Variants in CCNA1 observed in about 807,000 individuals in gnomAD.
The protein encoded by CCNA1 is cyclin-A1.
Under a neutral mutation model 54.1 loss-of-function variants are expected in CCNA1, and 23 were observed. The observed-to-expected ratio is 0.42, with a 90% CI of 0.31 to 0.60. The LOEUF is 0.60. CCNA1 is among the 20% of genes least tolerant of loss of function. The pLI is 0.14. For synonymous variants in CCNA1, 208 were observed against 213.9 expected (o/e 0.97, Z 0.24); for missense variants, 450 against 556.7 (o/e 0.81, Z 1.93).
At position 36,440,422 on chromosome 13, in the gene CCNA1, AGCTTGG is replaced by A. The variant is rs755375560; in HGVS notation, c.1098+240_1098+245del. Among the ~76,000 whole-genome samples the A allele has an allele frequency of 1.3e-3, 193 of 152,346 alleles. 1 individual carries two copies. Among genetic ancestry groups the A allele is most frequent in the Non-Finnish European group, 2.3e-3 (156 of 68,032 alleles). ...AATCACCCAACTATTTAAAAATTTA[AGCTTGG>A]AAACTGTTCTCTTATTGGATACAGA... On this transcript the variant is annotated intron_variant, in intron 6 of 8. Transcript: ENST00000255465.
At chr13:36,442,479 A>G (rs986027269) in intron 8 of CCNA1, 135 bp from the exon 9 acceptor site, 2 of 1,085,776 alleles carry the variant, frequency 1.8e-6, no homozygotes, top group Non-Finnish European at 2.7e-6. Flanking sequence ...ATAATTTGTC[A>G]GCTTTTAATA....
chr13:36,440,113 C>G lies in CCNA1; in HGVS notation c.1028C>G (p.Thr343Ser), dbSNP rs755462450. 6.2e-6 allele frequency: 10 copies of G among 1,614,098 alleles called. No homozygotes were observed. In the Admixed American group the frequency reaches 1.7e-4, roughly 27 times the overall value. ...CTAGCTTTTGATCTGACAGTACCAA[C>G]CACCAACCAGTTTCTCCTTCAGTAC... is the stretch of plus-strand genomic sequence containing the variant. The change falls in exon 6 of 9, where the codon ACC (threonine) becomes AGC (serine). Residue 343 changes from threonine (T) to serine (S), a missense_variant. Thr to Ser is a moderately conservative substitution (Grantham distance 58). This residue lies in a region of CCNA1 where 150 missense variants were observed against 219.7 expected (regional missense o/e 0.68). Transcript: ENST00000255465.
At chr13:36,433,264 G>A in intron 2 of CCNA1, 43 bp downstream of exon 2, 1 of 1,515,430 alleles carries the variant, frequency 6.6e-7, no homozygotes, top group Admixed American at 2.0e-5. Flanking sequence ...GTGGAGAACA[G>A]CTCTCCTGCT....
chr13:36,433,517 C>T (rs1593320076), intron 2 of CCNA1, among the ~76,000 whole-genome samples: 1 of 130,916 alleles, frequency 7.6e-6, no homozygotes. Flanking sequence ...TCTTCCTTTC[C>T]TTTTTTTTTC....
chr13:36,436,542 A>G (rs1223136000), intron 2 of CCNA1, among the ~76,000 whole-genome samples: 2 of 152,248 alleles, frequency 1.3e-5, no homozygotes, highest in Admixed American at 1.3e-4. Flanking sequence ...TATATGTCCC[A>G]GCCTATGGAC....
At chr13:36,434,295 C>T (rs1272537455) in intron 2 of CCNA1, among the ~76,000 whole-genome samples, 1 of 152,138 alleles carries the variant, frequency 6.6e-6, no homozygotes, top group African/African-American at 2.4e-5. Flanking sequence ...TATACCTTTC[C>T]TATTTCATAA....
At chr13:36,435,928 C>A (rs559777032) in intron 2 of CCNA1, among the ~76,000 whole-genome samples, 23 of 152,322 alleles carry the variant, frequency 1.5e-4, no homozygotes, top group African/African-American at 4.3e-4. Context: ...AGCCTCCAAA[C>A]CTTTGTCTTC....
intron 2 of CCNA1, 151 bp from the exon 3 acceptor site, chr13:36,437,478 A>AC: frequency 2.7e-6 from 2 of 751,642 alleles, no homozygotes; most frequent in Non-Finnish European, 4.4e-6. Flanking sequence ...ACTTTTGAAG[A>AC]CCTTTTTTTT....
chr13:36,435,100 A>G (rs2055786158), intron 2 of CCNA1, among the ~76,000 whole-genome samples: 1 of 152,166 alleles, frequency 6.6e-6, no homozygotes, highest in Non-Finnish European at 1.5e-5. Context: ...ATGGTGACGA[A>G]TTTTCTTTGT....
rs761107193 is a variant in CCNA1 at position 36,440,095 on chromosome 13, T to A, written c.1010T>A (p.Phe337Tyr). 1.2e-6 allele frequency: 2 copies of A among 1,614,104 alleles called. No homozygotes were observed. Residue 337 changes from phenylalanine (F) to tyrosine (Y), a missense_variant, in exon 6 of 9, where the codon TTT becomes TAT. Phe to Tyr is a conservative substitution (Grantham distance 22). Around this residue, in one of 6 missense-constraint regions of CCNA1, gnomAD observed 150 missense variants for 219.7 expected, o/e 0.68. Coordinates refer to ENST00000255465, the MANE Select transcript of CCNA1 (RefSeq NM_003914.4). The stretch of plus-strand genomic sequence containing the variant: ...CACTTGCTTCTGAAAGTTCTAGCTT[T>A]TGATCTGACAGTACCAACCACCAAC...
At chr13:36,432,868 G>C in intron 1 of CCNA1, 139 bp downstream of exon 1, 1 of 951,456 alleles carries the variant, frequency 1.1e-6, no homozygotes, top group Non-Finnish European at 1.6e-6. Context: ...TTGATCGCCT[G>C]TGCGGTCGCA....
At chr13:36,436,351 C>A (rs995068612) in intron 2 of CCNA1, among the ~76,000 whole-genome samples, 1 of 152,160 alleles carries the variant, frequency 6.6e-6, no homozygotes, top group African/African-American at 2.4e-5. Context: ...ATATGACTGT[C>A]TCACTCTGCT....
At position 36,440,050 on chromosome 13, in the gene CCNA1, G is replaced by A. The variant is rs140946240; in HGVS notation, c.965G>A (p.Arg322Gln). 4.0e-4 allele frequency: 651 copies of A among 1,613,452 alleles called. 5 individuals carry two copies. The African/African-American group carries it at 6.9e-3, about 17-fold the overall frequency. The stretch of plus-strand genomic sequence containing the variant: ...ATCACCGATGATACATACACAAAAC[G>A]ACAACTGTTAAAAATGGAACACTTG... The change falls in exon 6 of 9, where the codon CGA (arginine) becomes CAA (glutamine). Residue 322 changes from arginine to glutamine, a missense_variant. By Grantham distance (43) the Arg-to-Gln change is conservative. Coordinates refer to ENST00000255465, the MANE Select transcript of CCNA1 (RefSeq NM_003914.4).
Position 36,433,377 on chromosome 13 carries a change from T to A in CCNA1, c.297+156T>A, listed in dbSNP as rs1240583441. ...GGAAAGTTGATTGATTTATTTTCTT[T>A]CTTTCTTTCTTTCTTTCTTTCTTTC... On this transcript the variant is annotated intron_variant, in intron 2 of 8. Coordinates refer to ENST00000255465, the MANE Select transcript of CCNA1 (RefSeq NM_003914.4). 4.3e-3 allele frequency among the ~76,000 whole-genome samples: 143 copies of A among 33,434 alleles called. 4 individuals carry two copies. Among genetic ancestry groups the A allele is most frequent in the Admixed American group, 0.014 (39 of 2,790 alleles). 21.9% of individuals were successfully genotyped at this position (33,434 alleles called of 152,430 possible).
chr13:36,439,553 C>T (rs1420679062), intron 5 of CCNA1, among the ~76,000 whole-genome samples: 2 of 152,188 alleles, frequency 1.3e-5, no homozygotes, highest in Non-Finnish European at 2.9e-5. Flanking sequence ...ATTCAGTGGA[C>T]AAAGTTGAAC....
chr13:36,438,969 A>G, intron 5 of CCNA1, 102 bp downstream of exon 5: 1 of 822,942 alleles, frequency 1.2e-6, no homozygotes, highest in South Asian at 1.6e-5. Context: ...CTTGATAATT[A>G]AAACTAGTCA....
In CCNA1 at chr13:36,433,047, G is replaced by A. The variant is rs755391943; in HGVS notation, c.123G>A (p.Glu41=). The A allele has an allele frequency of 6.2e-7, 1 of 1,613,478 alleles. No homozygotes were observed. Among genetic ancestry groups the A allele is most frequent in the Non-Finnish European group, 8.5e-7 (1 of 1,179,672 alleles). The change falls in exon 2 of 9, where the codon GAG becomes GAA. Residue 41 remains glutamate (E), a synonymous_variant. Transcript: ENST00000255465. The stretch of plus-strand genomic sequence containing the variant: ...TTCCCTGGTAGCAGCAGCCCGTGGA[G>A]TCTGAAGCAATGCACTGCAGCAACC...
At chr13:36,436,569 A>G (rs549299041) in intron 2 of CCNA1, among the ~76,000 whole-genome samples, 2 of 152,274 alleles carry the variant, frequency 1.3e-5, no homozygotes, top group Admixed American at 6.6e-5. Flanking sequence ...TCTATGTAGC[A>G]AGAGTCAAAC....
At chr13:36,433,416 TTC>T (rs1317923321) in intron 2 of CCNA1, among the ~76,000 whole-genome samples, 195 bp downstream of exon 2, 58 of 123,860 alleles carry the variant, frequency 4.7e-4, no homozygotes, top group Non-Finnish European at 8.5e-4. Flanking sequence ...CTTTCTTTCT[TTC>T]TTTCTTTCTT....
Sources: gnomAD v4.1 joint callset for allele counts (sites outside exome capture counted in the v4.1 genomes callset) on GRCh38, gnomAD v4.1.1 for gene constraint, gnomAD v4.1.1 regional missense constraint, MANE v1.5 for transcripts, NCBI Gene and HGNC (gene_info 2026-07-23, HGNC 2026-07-21) for gene names.